The following TBC1D19 variants were observed in gnomAD, a reference collection of about 807,000 sequenced individuals.
TBC1D19 encodes the protein TBC1 domain family, member 19.
TBC1D19 carries 60 observed loss-of-function variants against 89.0 expected under a neutral mutation model. The ratio of observed to expected loss-of-function variants is 0.67; its 90% CI spans 0.55 to 0.84. TBC1D19 has a LOEUF of 0.84. Among genes scored for constraint, TBC1D19 ranks in the 40% least tolerant of loss-of-function variants. TBC1D19 has a pLI of 0.00. For missense variants in TBC1D19, 500 were observed against 610.8 expected (o/e 0.82, Z 1.91); for synonymous variants, 189 against 199.7 (o/e 0.95, Z 0.45).
At chr4:26,599,733 C>T (rs1250581336) in intron 1 of TBC1D19, among the ~76,000 whole-genome samples, 3 of 151,906 alleles carry the variant, frequency 2.0e-5, no homozygotes. Flanking sequence ...GTTGCCTGAG[C>T]TCAGGAGTTT....
intron 8 of TBC1D19, among the ~76,000 whole-genome samples, chr4:26,662,105 T>G (rs919994423): frequency 6.6e-6 from 1 of 152,182 alleles, no homozygotes; most frequent in Non-Finnish European, 1.5e-5. Context: ...GACATTTCTC[T>G]TAGAATTTTT....
At chr4:26,845,634 A>G in the TBC1D19 span, among the ~76,000 whole-genome samples, 1 of 152,198 alleles carries the variant, frequency 6.6e-6, no homozygotes, top group African/African-American at 2.4e-5. Context: ...TCATGCTGCT[A>G]CTAAAGACAT....
At chr4:26,741,277 A>G (rs890195215) in intron 17 of TBC1D19, among the ~76,000 whole-genome samples, 2 of 148,192 alleles carry the variant, frequency 1.3e-5, no homozygotes. Flanking sequence ...AATGGCGTGA[A>G]CCCGGGAAGC....
chr4:26,845,412 T>G, the TBC1D19 span, among the ~76,000 whole-genome samples: 1 of 152,172 alleles, frequency 6.6e-6, no homozygotes, highest in Admixed American at 6.5e-5. Flanking sequence ...TTTAAACTAT[T>G]TTTAAGTGTA....
At chr4:26,591,757 C>G (rs901960686) in intron 1 of TBC1D19, among the ~76,000 whole-genome samples, 2 of 152,182 alleles carry the variant, frequency 1.3e-5, no homozygotes, top group Non-Finnish European at 2.9e-5. Flanking sequence ...ATAAATTCCT[C>G]GACACATACA....
At chr4:26,688,533 G>A in intron 13 of TBC1D19, 126 bp downstream of exon 13, 1 of 1,234,698 alleles carries the variant, frequency 8.1e-7, no homozygotes, top group Non-Finnish European at 1.0e-6. Flanking sequence ...CGGATGAAAT[G>A]TTCTAAGTTT....
intron 1 of TBC1D19, among the ~76,000 whole-genome samples, chr4:26,601,185 T>C (rs1480691651): frequency 1.3e-5 from 2 of 152,038 alleles, no homozygotes; most frequent in African/African-American, 4.8e-5. Context: ...GCAATAACTC[T>C]CCTTCTCCCC....
chr4:26,617,486 T>C (rs1014320514), intron 3 of TBC1D19, among the ~76,000 whole-genome samples: 2 of 152,248 alleles, frequency 1.3e-5, no homozygotes, highest in African/African-American at 4.8e-5. Flanking sequence ...GTCTTATCTC[T>C]TGACTGGATT....
intron 13 of TBC1D19, among the ~76,000 whole-genome samples, chr4:26,707,276 G>T (rs566569585): frequency 6.6e-6 from 1 of 151,900 alleles, no homozygotes; most frequent in East Asian, 1.9e-4. Context: ...TGAAACTTTT[G>T]TTAATATATA....
Position 26,620,598 on chromosome 4 carries a change from TC to T in TBC1D19, c.219-14del, listed in dbSNP as rs781718037. On this transcript the variant is annotated splice_polypyrimidine_tract_variant and intron_variant, in intron 3 of 20. Coordinates refer to ENST00000264866, the MANE Select transcript of TBC1D19 (RefSeq NM_018317.4). ...GAATAATGTGTGATATTTAGCTGCC[TC>T]TTTTTGCTCCTAGGTTTCCTTTACC... The T allele has an allele frequency of 4.3e-6, 7 of 1,612,184 alleles. No individual in the cohort carries two copies. The highest frequency in any genetic ancestry group is 5.9e-6 in the Non-Finnish European group (7 of 1,178,920).
chr4:26,805,465 T>C, the TBC1D19 span, among the ~76,000 whole-genome samples: 1 of 152,220 alleles, frequency 6.6e-6, no homozygotes, highest in Non-Finnish European at 1.5e-5. Context: ...GTCTTAGTCC[T>C]TGACTTAGTC....
At chr4:26,606,891 T>C (rs1480550440) in intron 1 of TBC1D19, among the ~76,000 whole-genome samples, 1 of 152,212 alleles carries the variant, frequency 6.6e-6, no homozygotes, top group Non-Finnish European at 1.5e-5. Context: ...AGCCTCAGCT[T>C]ACTTCGCAGC....
At chr4:26,600,602 GTA>G (rs1740525399) in intron 1 of TBC1D19, among the ~76,000 whole-genome samples, 1 of 152,202 alleles carries the variant, frequency 6.6e-6, no homozygotes. Context: ...CAGGCATAGA[GTA>G]TACCACGAAA....
chr4:26,613,053 AT>A, intron 1 of TBC1D19, 115 bp from the exon 2 acceptor site: 1 of 730,666 alleles, frequency 1.4e-6, no homozygotes, highest in South Asian at 1.8e-5. Flanking sequence ...AGTAGTATAC[AT>A]TTTTGAACAC....
rs574444600 is a variant in TBC1D19 at position 26,646,336 on chromosome 4, G to T, written c.480+6149G>T. On this transcript the variant is annotated intron_variant, in intron 7 of 20. Coordinates refer to ENST00000264866, the MANE Select transcript of TBC1D19 (RefSeq NM_018317.4). ...AACAACAGGTGCTGGAGAGGATGTG[G>T]AGAAATTGGAACGCTTTTACACTAT... Among the ~76,000 whole-genome samples the T allele has an allele frequency of 7.9e-5, 12 of 152,270 alleles. No individual in the cohort carries two copies. In the South Asian group the frequency reaches 2.5e-3, roughly 32 times the overall value.
intron 13 of TBC1D19, among the ~76,000 whole-genome samples, chr4:26,711,454 A>G (rs550642686): frequency 2.6e-4 from 40 of 152,176 alleles, no homozygotes; most frequent in African/African-American, 9.4e-4. Context: ...TTTATATGTC[A>G]TTTCTTATGT....
At chr4:26,698,047 A>G (rs1714966642) in intron 13 of TBC1D19, among the ~76,000 whole-genome samples, 1 of 152,190 alleles carries the variant, frequency 6.6e-6, no homozygotes, top group Non-Finnish European at 1.5e-5. Context: ...AAGGGTATTC[A>G]ATTAGGAAAA....
At chr4:26,726,767 C>T (rs190280876) in intron 15 of TBC1D19, among the ~76,000 whole-genome samples, 5 of 151,980 alleles carry the variant, frequency 3.3e-5, no homozygotes, top group African/African-American at 1.2e-4. Flanking sequence ...ATCAGATAGG[C>T]GAGTTACGGT....
chr4:26,720,985 G>A (rs1031413445), intron 15 of TBC1D19, among the ~76,000 whole-genome samples: 8 of 152,196 alleles, frequency 5.3e-5, no homozygotes, highest in African/African-American at 1.9e-4. Context: ...AAACTCATAC[G>A]TGGCTTTGGC....
Sources: allele counts gnomAD v4.1 joint callset (sites outside exome capture counted in the v4.1 genomes callset), GRCh38; gene constraint gnomAD v4.1.1; transcripts MANE v1.5; gene names NCBI Gene and HGNC (gene_info 2026-07-23, HGNC 2026-07-21).